The following ADGRL3 variants were observed in gnomAD, a reference collection of about 807,000 sequenced individuals.
ADGRL3 encodes adhesion G protein-coupled receptor L3, also known as calcium-independent alpha-latrotoxin receptor 3.
A neutral mutation model predicts 153.5 loss-of-function variants in ADGRL3; 62 were observed. The observed-to-expected ratio is 0.40, with a 90% CI of 0.33 to 0.50. The LOEUF (loss-of-function observed/expected upper bound fraction) is 0.50, where lower values mean the gene tolerates loss of function less well. Ranked by LOEUF, ADGRL3 falls within the 20% of genes least tolerant of loss-of-function variation. ADGRL3 has a pLI of 0.47. For missense variants in ADGRL3, 1,641 were observed against 1,859.4 expected (o/e 0.88, Z 2.16); for synonymous variants, 710 against 672.5 (o/e 1.06, Z -0.86).
intron 1 of ADGRL3, among the ~76,000 whole-genome samples, chr4:61,276,918 G>A (rs1002600673): frequency 3.9e-5 from 6 of 152,184 alleles, no homozygotes; most frequent in African/African-American, 1.4e-4. Flanking sequence ...ATACTGTTGT[G>A]AGAATACAAA....
intron 25 of ADGRL3, among the ~76,000 whole-genome samples, chr4:62,053,936 T>C (rs1355546475): frequency 6.6e-6 from 1 of 151,596 alleles, no homozygotes; most frequent in Non-Finnish European, 1.5e-5. Flanking sequence ...TTATTAATAA[T>C]ATGTTCATTT....
At chr4:61,844,575 A>AAAAATATATAT (rs1554045137) in intron 9 of ADGRL3, among the ~76,000 whole-genome samples, 1 of 18,108 alleles carries the variant, frequency 5.5e-5, no homozygotes, top group Non-Finnish European at 8.4e-5. Flanking sequence ...AAAAAAAAAA[A>AAAAATATATAT]ATATATATAT....
chr4:61,593,361 T>C (rs913258745), intron 5 of ADGRL3, among the ~76,000 whole-genome samples: 8 of 152,196 alleles, frequency 5.3e-5, no homozygotes, highest in Admixed American at 6.5e-5. Flanking sequence ...TTTTTGTTGT[T>C]GTTTGTTTGT....
chr4:62,005,959 T>TACAC (rs2099155993), intron 21 of ADGRL3, among the ~76,000 whole-genome samples: 1 of 105,876 alleles, frequency 9.4e-6, no homozygotes, highest in Non-Finnish European at 1.9e-5. Context: ...CATACATATA[T>TACAC]ATACACATAC....
chr4:61,231,833 AC>A (rs1321238129), intron 1 of ADGRL3, among the ~76,000 whole-genome samples: 9 of 152,184 alleles, frequency 5.9e-5, no homozygotes, highest in African/African-American at 1.9e-4. Context: ...GGTATCAGAT[AC>A]CTGCACTGTA....
At chr4:61,308,262 A>G (rs377389149) in intron 1 of ADGRL3, among the ~76,000 whole-genome samples, 4 of 152,172 alleles carry the variant, frequency 2.6e-5, no homozygotes, top group East Asian at 1.9e-4. Context: ...GAGAGAAGCA[A>G]ACACCAGGAG....
intron 13 of ADGRL3, among the ~76,000 whole-genome samples, chr4:61,914,594 T>G (rs1359365146): frequency 6.6e-6 from 1 of 152,130 alleles, no homozygotes; most frequent in Admixed American, 6.6e-5. Flanking sequence ...TCTCTGTGTC[T>G]TGGGATCCTT....
intron 8 of ADGRL3, among the ~76,000 whole-genome samples, chr4:61,752,779 C>T (rs573489285): frequency 6.6e-6 from 1 of 152,096 alleles, no homozygotes; most frequent in Admixed American, 6.5e-5. Context: ...CAAAAAAATG[C>T]AAAAATTACC....
intron 1 of ADGRL3, among the ~76,000 whole-genome samples, chr4:61,350,965 G>A (rs2096035082): frequency 6.6e-6 from 1 of 152,182 alleles, no homozygotes; most frequent in African/African-American, 2.4e-5. Context: ...AGCTAGAAAT[G>A]ATTAAGCTTA....
At chr4:61,471,540 G>T (rs1365056886) in intron 2 of ADGRL3, among the ~76,000 whole-genome samples, 1 of 151,594 alleles carries the variant, frequency 6.6e-6, no homozygotes, top group Non-Finnish European at 1.5e-5. Context: ...AATGGAAAAA[G>T]CTGTGATTTT....
chr4:61,307,136 A>T lies in ADGRL3; in HGVS notation c.-239-75988A>T, dbSNP rs1226617968. ...ATAAATAGGTGACTTGCCCAATCTT[A>T]AACAGCTTTTAGCCAAAATGAAAAT... On this transcript the variant is annotated intron_variant, in intron 1 of 26. Coordinates refer to ENST00000683033, the MANE Select transcript of ADGRL3 (RefSeq NM_001387552.1). Among the ~76,000 whole-genome samples, 38 of 152,232 alleles carry T rather than the reference A, an allele frequency of 2.5e-4. 2 individuals carry two copies. Among genetic ancestry groups the T allele is most frequent in the Non-Finnish European group, 4.4e-5 (3 of 68,040 alleles).
chr4:61,342,471 A>T lies in ADGRL3; in HGVS notation c.-239-40653A>T, dbSNP rs116837261. Reference sequence around the variant, plus strand: ...TTTATGCTTTGTCAACTTCTGGGTGATCTCTGAGGGACCATATTTCTGCAT... The same window carrying T: ...TTTATGCTTTGTCAACTTCTGGGTGTTCTCTGAGGGACCATATTTCTGCAT... On this transcript the variant is annotated intron_variant, in intron 1 of 26. Coordinates refer to ENST00000683033, the MANE Select transcript of ADGRL3 (RefSeq NM_001387552.1). Among the ~76,000 whole-genome samples the T allele has an allele frequency of 8.0e-3, 1,224 of 152,070 alleles. 12 individuals are homozygous for T. The highest frequency in any genetic ancestry group is 7.9e-3 in the Non-Finnish European group (538 of 67,988).
At chr4:61,212,084 C>T (rs1321470676) in intron 1 of ADGRL3, 3 of 152,156 alleles carry the variant, frequency 2.0e-5, no homozygotes, top group African/African-American at 7.2e-5. Flanking sequence ...CATGTATGAG[C>T]TTTGCTTGCC....
chr4:61,893,266 A>G (rs1241001640), intron 10 of ADGRL3, among the ~76,000 whole-genome samples: 1 of 152,038 alleles, frequency 6.6e-6, no homozygotes, highest in African/African-American at 2.4e-5. Flanking sequence ...TGAAAATGTA[A>G]CCTGATTAAG....
chr4:61,584,392 C>T (rs984211819), intron 4 of ADGRL3, among the ~76,000 whole-genome samples: 7 of 151,994 alleles, frequency 4.6e-5, no homozygotes, highest in South Asian at 4.1e-4. Context: ...ATTTGGACCC[C>T]GACATTTTAA....
At chr4:61,758,167 TG>T (rs1382849735) in intron 8 of ADGRL3, among the ~76,000 whole-genome samples, 2 of 152,194 alleles carry the variant, frequency 1.3e-5, no homozygotes, top group African/African-American at 4.8e-5. Context: ...TGGAAATCCC[TG>T]TTAACCTGAT....
intron 6 of ADGRL3, among the ~76,000 whole-genome samples, chr4:61,723,761 C>A (rs1035212977): frequency 6.6e-6 from 1 of 152,146 alleles, no homozygotes; most frequent in Admixed American, 6.5e-5. Flanking sequence ...ATTTGCATAT[C>A]AATGCTTGCC....
intron 17 of ADGRL3, among the ~76,000 whole-genome samples, chr4:61,961,552 C>T (rs1179083062): frequency 6.6e-6 from 1 of 152,070 alleles, no homozygotes; most frequent in Non-Finnish European, 1.5e-5. Flanking sequence ...CCTAAAGCCT[C>T]TTTTATTTCA....
intron 25 of ADGRL3, chr4:62,063,464 C>CTTTTTTTTTTTTTTT: frequency 3.8e-6 from 2 of 521,726 alleles, no homozygotes; most frequent in Non-Finnish European, 3.4e-6. Context: ...CCTGATTGAC[C>CTTTTTTTTTTTTTTT]TTTTTTTTTT....
Sources: allele counts gnomAD v4.1 joint callset (sites outside exome capture counted in the v4.1 genomes callset), GRCh38; gene constraint gnomAD v4.1.1; transcripts MANE v1.5; gene names NCBI Gene and HGNC (gene_info 2026-07-23, HGNC 2026-07-21).